Variants in NEB observed in about 807,000 individuals in gnomAD.
NEB encodes nemaline myopathy type 2.
NEB carries 512 observed loss-of-function variants against 952.2 expected under a neutral mutation model. That is an observed-to-expected ratio of 0.54 (90% CI 0.50 to 0.58). The LOEUF (loss-of-function observed/expected upper bound fraction) is 0.58, where lower values mean the gene tolerates loss of function less well. NEB is among the 20% of genes least tolerant of loss of function. The pLI is 0.00. For synonymous variants in NEB, 2,900 were observed against 3,149.8 expected (o/e 0.92, Z 2.66); for missense variants, 8,428 against 9,231.1 (o/e 0.91, Z 3.56).
rs2098914012 is a variant in NEB, at chr2:151,643,461, CTA to C, written c.7957-110_7957-109del. On this transcript the variant is annotated intron_variant, in intron 57 of 181. Transcript: ENST00000397345. ...CCTAAATAAAAGTTCATATTATACTCTATATTTTTAATACTTGAATTATTAGA... is the reference window on the plus strand; with the variant it reads ...CCTAAATAAAAGTTCATATTATACTCTATTTTTAATACTTGAATTATTAGA... 4 of 942,208 alleles carry C rather than the reference CTA, an allele frequency of 4.2e-6. No homozygotes were observed. The East Asian group carries it at 8.3e-5, about 19-fold the overall frequency. 58.4% of individuals were successfully genotyped at this position (942,208 alleles called of 1,614,324 possible).
Position 151,568,111 on chromosome 2 carries a change from G to A in NEB, c.17804C>T (p.Pro5935Leu). ...TGYILPPDAV[P>L]FVHAHHCNDV... Reference sequence around the variant, plus strand: ...ATTGCAGTGATGGGCATGAACAAATGGCACAGCATCTGGAGGCAAAATGTA... The same window carrying A: ...ATTGCAGTGATGGGCATGAACAAATAGCACAGCATCTGGAGGCAAAATGTA... Residue 5935 changes from proline (P) to leucine (L), a missense_variant, in exon 113 of 182, where the codon CCA becomes CTA. Transcript: ENST00000397345. 6.2e-7 allele frequency: 1 copy of A among 1,613,698 alleles called. No homozygotes were observed. The highest frequency in any genetic ancestry group is 1.1e-5 in the South Asian group (1 of 91,038).
Position 151,697,365 on chromosome 2 carries a change from T to C in NEB, c.1350A>G (p.Thr450=), listed in dbSNP as rs774227589. The C allele has an allele frequency of 7.6e-5, 123 of 1,613,732 alleles. No homozygotes were observed. Among genetic ancestry groups the C allele is most frequent in the Non-Finnish European group, 1.0e-4 (119 of 1,179,752 alleles). ...TAGAACTTACATCACTGTTTTGAGC[T>C]GTGACTTTCATGCAGTGTGAATGGT... ...DPYHSHCMKV[T]AQNSDKNYKA... The change falls in exon 15 of 182, where the codon ACA becomes ACG. Residue 450 remains threonine, a synonymous_variant. Coordinates refer to ENST00000397345, the MANE Select transcript of NEB (RefSeq NM_001164508.2).
Position 151,733,130 on chromosome 2 carries a change from C to T in NEB, c.27G>A (p.Glu9=), listed in dbSNP as rs1197614931. MADDEDYE[E]VVEYYTEEVV... Reference sequence around the variant, plus strand: ...TTTTTTTAAATCTTACCTCCACCACCTCCTCATAGTCTTCGTCATCTGCCA... The same window carrying T: ...TTTTTTTAAATCTTACCTCCACCACTTCCTCATAGTCTTCGTCATCTGCCA... Residue 9 remains glutamate, a synonymous_variant, in exon 3 of 182, where the codon GAG becomes GAA. Transcript: ENST00000397345. 4.4e-6 allele frequency: 7 copies of T among 1,604,182 alleles called. No homozygotes were observed. In the Admixed American group the frequency reaches 1.2e-4, roughly 27 times the overall value.
chr2:151,627,005 G>A lies in NEB; in HGVS notation c.10344C>T (p.Asn3448=), dbSNP rs145052299. Residue 3448 remains asparagine (N), a synonymous_variant, in exon 70 of 182, where the codon AAC becomes AAT. Transcript: ENST00000397345. The part of the protein sequence containing the change: ...VLAKNNALNM[N]KRLYTEAWDK... ...TTCCTACAAATTGGGGGCTCACCTT[G>A]TTCATATTGAGAGCATTGTTCTTGG... 5,075 of 1,613,800 alleles carry A rather than the reference G, an allele frequency of 3.1e-3. 77 individuals carry two copies. In the East Asian group the frequency reaches 0.042, roughly 13 times the overall value.
At chr2:151,710,406 AC>A in intron 11 of NEB, 27 bp downstream of exon 11, 1 of 1,503,094 alleles carries the variant, frequency 6.7e-7, no homozygotes, top group South Asian at 1.2e-5. Flanking sequence ...TCCCAGGATG[AC>A]CAACCAGCCA....
At chr2:151,485,972 G>C (rs955699252) in intron 181 of NEB, 39 bp from the exon 182 acceptor site, 1 of 1,596,260 alleles carries the variant, frequency 6.3e-7, no homozygotes, top group Non-Finnish European at 8.6e-7. Flanking sequence ...ATTATATGTT[G>C]GATTTGCAAC....
rs943588792 is a variant in NEB at position 151,505,802 on chromosome 2, G to T, written c.23650-232C>A. 13 of 561,530 alleles carry T rather than the reference G, an allele frequency of 2.3e-5. No individual in the cohort carries two copies. In the African/African-American group the frequency reaches 2.4e-4, roughly 11 times the overall value. 34.8% of individuals were successfully genotyped at this position (561,530 alleles called of 1,614,324 possible). On this transcript the variant is annotated intron_variant, in intron 164 of 181. Coordinates refer to ENST00000397345, the MANE Select transcript of NEB (RefSeq NM_001164508.2). ...TCGTCTCTTTGGGGCAGGGATGGGG[G>T]CCCCTATTTAGACTGCAGCCCTTTC...
chr2:151,679,668 G>GCCCCCCCC, intron 32 of NEB, 53 bp downstream of exon 32: 1 of 310,086 alleles, frequency 3.2e-6, no homozygotes, highest in Admixed American at 4.2e-5. Flanking sequence ...CAGACCCCAA[G>GCCCCCCCC]CCCACCCACC....
At chr2:151,546,308 C>G in intron 134 of NEB, 37 bp downstream of exon 134, 1 of 1,518,620 alleles carries the variant, frequency 6.6e-7, no homozygotes, top group Non-Finnish European at 9.1e-7. Flanking sequence ...TCCAGCTGTG[C>G]GGGGGGTAAT....
chr2:151,732,233 C>T lies in NEB; in HGVS notation c.36+888G>A, dbSNP rs1416859114. On this transcript the variant is annotated intron_variant, in intron 3 of 181. Coordinates refer to ENST00000397345, the MANE Select transcript of NEB (RefSeq NM_001164508.2). ...TCATCATTAATTGGTAATTATTAAG[C>T]ACATTCAGATTCATGGCACTGTATT... Among the ~76,000 whole-genome samples the T allele has an allele frequency of 3.3e-5, 5 of 152,180 alleles. No individual in the cohort carries two copies. The East Asian group carries it at 9.6e-4, about 29-fold the overall frequency.
At chr2:151,716,095 T>C (rs1382680926) in intron 10 of NEB, 9 of 420,242 alleles carry the variant, frequency 2.1e-5, no homozygotes, top group Non-Finnish European at 4.2e-5. Context: ...AAATTGTCCT[T>C]CTCCCGTCTT....
intron 77 of NEB, 117 bp from the exon 78 acceptor site, chr2:151,612,506 G>A: frequency 9.7e-7 from 1 of 1,033,132 alleles, no homozygotes; most frequent in Non-Finnish European, 1.4e-6. Context: ...GTAAATTTCT[G>A]GGAAGACCCA....
In NEB at chr2:151,565,034, G is replaced by A. The variant is rs1199309337; in HGVS notation, c.18471+10C>T. 1 of 1,482,236 alleles carries A rather than the reference G, an allele frequency of 6.7e-7. No homozygotes were observed. Among genetic ancestry groups the A allele is most frequent in the Non-Finnish European group, 9.3e-7 (1 of 1,075,978 alleles). The allele number at this position is 1,482,236 out of a possible 1,614,324, so 91.8% of individuals were successfully genotyped here. A position where few individuals can be genotyped will look rare whatever the true frequency, so the allele number is the denominator to read the frequency against. ...GAAATTGAGTGGTTATTACATAAAA[G>A]AGAACTTACAGTACTGTAGAGTTTT... On this transcript the variant is annotated intron_variant, in intron 117 of 181. Coordinates refer to ENST00000397345, the MANE Select transcript of NEB (RefSeq NM_001164508.2).
intron 65 of NEB, 45 bp downstream of exon 65, chr2:151,633,609 T>G (rs763255472): frequency 6.4e-7 from 1 of 1,557,944 alleles, no homozygotes; most frequent in South Asian, 1.2e-5. Context: ...TCACATAGTT[T>G]AAATTATTTC....
rs746106936 is a variant in NEB, at chr2:151,568,729, A to G, written c.17536-13T>C. ...TGCGATATTTTTTCTATGGGAAAGA[A>G]AGCATCTTTTAGATAGTTGTAATTC... On this transcript the variant is annotated splice_polypyrimidine_tract_variant and intron_variant, in intron 110 of 181. Coordinates refer to ENST00000397345, the MANE Select transcript of NEB (RefSeq NM_001164508.2). The G allele has an allele frequency of 1.1e-5, 17 of 1,549,574 alleles. No individual in the cohort carries two copies. The South Asian group carries it at 2.0e-4, about 18-fold the overall frequency.
chr2:151,545,402 C>A (rs994173287), intron 135 of NEB, among the ~76,000 whole-genome samples: 5 of 151,772 alleles, frequency 3.3e-5, no homozygotes, highest in African/African-American at 1.2e-4. Flanking sequence ...ATGGAGAAAC[C>A]CCATCACTAC....
intron 160 of NEB, 58 bp from the exon 161 acceptor site, chr2:151,512,895 G>T: frequency 8.3e-7 from 1 of 1,209,458 alleles, no homozygotes; most frequent in Non-Finnish European, 1.2e-6. Context: ...ACAGTTGTTG[G>T]CTTGATTTGA....
chr2:151,625,708 A>G (rs983991502), intron 70 of NEB, 70 bp from the exon 71 acceptor site: 1 of 1,054,536 alleles, frequency 9.5e-7, no homozygotes, highest in South Asian at 2.2e-5. Context: ...CAATTAAGAC[A>G]CCATGACAAA....
At chr2:151,634,676 T>C (rs547390770) in intron 64 of NEB, among the ~76,000 whole-genome samples, 1 of 151,684 alleles carries the variant, frequency 6.6e-6, no homozygotes, top group East Asian at 1.9e-4. Context: ...AACAGTAAAA[T>C]GAGTGACTGA....
Sources: allele counts gnomAD v4.1 joint callset (sites outside exome capture counted in the v4.1 genomes callset), GRCh38; gene constraint gnomAD v4.1.1; transcripts MANE v1.5; gene names NCBI Gene and HGNC (gene_info 2026-07-23, HGNC 2026-07-21).